Variants in SLC39A11 observed in about 807,000 individuals in gnomAD.
The protein encoded by SLC39A11 is zinc transporter ZIP11.
In SLC39A11, 33 loss-of-function variants were observed where a neutral mutation model predicts 36.1. The observed-to-expected ratio is 0.91, with a 90% CI of 0.69 to 1.22. The LOEUF is 1.22. SLC39A11 is among the 50% of genes most tolerant of loss of function. The pLI is 0.00. For missense variants in SLC39A11, 432 were observed against 430.3 expected, an observed-to-expected ratio of 1.00 and a Z score of -0.03; for synonymous variants, 166 against 170.3, an observed-to-expected ratio of 0.97 and a Z score of 0.20.
rs138423395 is a variant in SLC39A11 at position 72,880,462 on chromosome 17, C to T, written c.431-30658G>A. 6.0e-3 allele frequency among the ~76,000 whole-genome samples: 912 copies of T among 152,168 alleles called. 3 individuals are homozygous for T. The highest frequency in any genetic ancestry group is 9.9e-3 in the Non-Finnish European group (670 of 68,002). ...TGGTGCATGCCTGTGGTCACAGCTA[C>T]TTGGGAGACTGATGTGTGAGGATAA... On this transcript the variant is annotated intron_variant, in intron 5 of 9. Transcript: ENST00000255559.
rs373047503 is a variant in SLC39A11 at position 72,686,385 on chromosome 17, G to A, written c.672-37117C>T. ...ACCTTCCAGAAGCTGACTGGGGTCT[G>A]CCTGCACTTTCAAACAGTGCCTGAT... is the stretch of plus-strand genomic sequence containing the variant. On this transcript the variant is annotated intron_variant, in intron 7 of 9. Transcript: ENST00000255559. Among the ~76,000 whole-genome samples the A allele has an allele frequency of 1.4e-3, 215 of 152,264 alleles. 1 individual carries two copies. Among genetic ancestry groups the A allele is most frequent in the African/African-American group, 5.0e-3 (206 of 41,540 alleles).
In SLC39A11 at chr17:73,089,537, C is replaced by A. The variant is rs149324275; in HGVS notation, c.-11-762G>T. Among the ~76,000 whole-genome samples, 954 of 152,320 alleles carry A rather than the reference C, an allele frequency of 6.3e-3. 18 individuals are homozygous for A. Among genetic ancestry groups the A allele is most frequent in the African/African-American group, 0.021 (888 of 41,564 alleles). Reference sequence around the variant, plus strand: ...TCACGACCAAGGCTTTTCTGGCCTTCCCCAGCCCTGTCCTAGCATGCAGCT... The same window carrying A: ...TCACGACCAAGGCTTTTCTGGCCTTACCCAGCCCTGTCCTAGCATGCAGCT... On this transcript the variant is annotated intron_variant, in intron 1 of 9. Transcript: ENST00000255559.
chr17:73,062,227 A>G (rs2059862458), intron 3 of SLC39A11, among the ~76,000 whole-genome samples: 2 of 151,914 alleles, frequency 1.3e-5, no homozygotes, highest in African/African-American at 2.4e-5. Flanking sequence ...TGGGAGGCTT[A>G]GGCAGGCAGA....
intron 7 of SLC39A11, among the ~76,000 whole-genome samples, chr17:72,721,389 G>A (rs1489111393): frequency 6.6e-6 from 1 of 152,124 alleles, no homozygotes; most frequent in Non-Finnish European, 1.5e-5. Context: ...GAACCACCAT[G>A]TCCGGTCTTG....
chr17:72,990,542 A>G (rs1001126824), intron 4 of SLC39A11, among the ~76,000 whole-genome samples: 6 of 152,004 alleles, frequency 3.9e-5, no homozygotes, highest in Admixed American at 6.6e-5. Context: ...CTCAGCCCTC[A>G]GCCTCGCGAG....
intron 6 of SLC39A11, among the ~76,000 whole-genome samples, chr17:72,830,895 A>C (rs1567784465): frequency 6.6e-6 from 1 of 152,114 alleles, no homozygotes; most frequent in Non-Finnish European, 1.5e-5. Context: ...GACTTCTCCC[A>C]CATCCCCACT....
intron 6 of SLC39A11, among the ~76,000 whole-genome samples, chr17:72,738,667 A>C (rs2074537915): frequency 6.6e-6 from 1 of 152,200 alleles, no homozygotes; most frequent in Admixed American, 6.5e-5. Context: ...CCCTCGATCC[A>C]AACACGAAGG....
chr17:73,086,023 C>T lies in SLC39A11; in HGVS notation c.109-1177G>A, dbSNP rs73353120. ...TCAGCCAGATGCAGAACAGTACGTA[C>T]TATATGATTACTCCATCTAAATAAA... On this transcript the variant is annotated intron_variant, in intron 2 of 9. Coordinates refer to ENST00000255559, the MANE Select transcript of SLC39A11 (RefSeq NM_139177.4). 9.7e-3 allele frequency among the ~76,000 whole-genome samples: 1,483 copies of T among 152,214 alleles called. 23 individuals carry two copies. Among genetic ancestry groups the T allele is most frequent in the African/African-American group, 0.034 (1,404 of 41,500 alleles).
At chr17:72,807,479 T>C (rs7223053) in intron 6 of SLC39A11, among the ~76,000 whole-genome samples, 9,141 of 152,168 alleles carry the variant, frequency 0.06, 480 homozygotes, top group African/African-American at 0.14. Context: ...GGCCCCTAGA[T>C]AGTCTCAGGG....
chr17:72,655,276 A>G (rs747948388), intron 7 of SLC39A11, among the ~76,000 whole-genome samples: 2 of 152,198 alleles, frequency 1.3e-5, no homozygotes, highest in Non-Finnish European at 2.9e-5. Flanking sequence ...CTTGTTGGGC[A>G]TTGGTCAGAG....
chr17:73,036,168 C>T (rs928772345), intron 3 of SLC39A11, among the ~76,000 whole-genome samples: 1 of 152,174 alleles, frequency 6.6e-6, no homozygotes, highest in East Asian at 1.9e-4. Flanking sequence ...TGTTTTAAGC[C>T]ACTACATTCA....
chr17:72,741,383 G>A (rs1001934535), intron 6 of SLC39A11, among the ~76,000 whole-genome samples: 4 of 152,144 alleles, frequency 2.6e-5, no homozygotes, highest in African/African-American at 9.7e-5. Context: ...CACTGTGAGT[G>A]GCACCATATA....
intron 7 of SLC39A11, among the ~76,000 whole-genome samples, chr17:72,711,083 G>A (rs1031023761): frequency 6.6e-6 from 1 of 152,122 alleles, no homozygotes; most frequent in Non-Finnish European, 1.5e-5. Context: ...GCCTACCTTT[G>A]CAGCCTCTCC....
At chr17:72,963,273 C>T (rs1050792923) in intron 4 of SLC39A11, among the ~76,000 whole-genome samples, 7 of 150,600 alleles carry the variant, frequency 4.6e-5, no homozygotes, top group Admixed American at 6.6e-5. Flanking sequence ...CGGGTTCACG[C>T]CATTCTCCTT....
At chr17:72,862,578 A>G (rs1046846191) in intron 5 of SLC39A11, among the ~76,000 whole-genome samples, 3 of 152,196 alleles carry the variant, frequency 2.0e-5, no homozygotes, top group South Asian at 2.1e-4. Flanking sequence ...TGGAAAACAA[A>G]TGCCATTCAG....
chr17:72,837,570 AG>A (rs1402931089), intron 6 of SLC39A11, among the ~76,000 whole-genome samples: 3 of 152,370 alleles, frequency 2.0e-5, no homozygotes, highest in African/African-American at 7.2e-5. Context: ...AAGAGAACAC[AG>A]GTCCATACAA....
At chr17:72,688,948 C>G (rs372734101) in intron 7 of SLC39A11, among the ~76,000 whole-genome samples, 1 of 152,158 alleles carries the variant, frequency 6.6e-6, no homozygotes. Context: ...ATTCACACCC[C>G]GCAGGCTCTG....
At chr17:72,815,121 G>GA (rs980396133) in intron 6 of SLC39A11, among the ~76,000 whole-genome samples, 3 of 152,238 alleles carry the variant, frequency 2.0e-5, no homozygotes, top group Non-Finnish European at 4.4e-5. Flanking sequence ...AGGAGATGCT[G>GA]AAGTTCTATT....
At chr17:72,987,654 A>G (rs1212087035) in intron 4 of SLC39A11, among the ~76,000 whole-genome samples, 1 of 152,210 alleles carries the variant, frequency 6.6e-6, no homozygotes, top group Non-Finnish European at 1.5e-5. Flanking sequence ...TCTGGAAAAT[A>G]AGAAATGTTT....
Sources: gnomAD v4.1 joint callset for allele counts (sites outside exome capture counted in the v4.1 genomes callset) on GRCh38, gnomAD v4.1.1 for gene constraint, MANE v1.5 for transcripts, NCBI Gene and HGNC (gene_info 2026-07-23, HGNC 2026-07-21) for gene names.